MPPED2: variants seen among roughly 807,000 people sequenced by gnomAD.
MPPED2 encodes the protein metallophosphoesterase MPPED2.
MPPED2 carries 5 observed loss-of-function variants against 33.0 expected under a neutral mutation model. The ratio of observed to expected loss-of-function variants is 0.15; its 90% confidence interval spans 0.08 to 0.32. MPPED2 has a LOEUF of 0.32. Ranked by LOEUF, MPPED2 falls within the 10% of genes least tolerant of loss-of-function variation. The probability of loss-of-function intolerance (pLI) is 1.00; values close to 1 mark genes in which losing one functional copy is unlikely to be tolerated. For missense variants in MPPED2, 275 were observed against 372.1 expected, an observed-to-expected ratio of 0.74 and a Z score of 2.15; for synonymous variants, 136 against 141.9, an observed-to-expected ratio of 0.96 and a Z score of 0.29.
chr11:30,559,851 G>A (rs984433958), intron 2 of MPPED2, among the ~76,000 whole-genome samples: 1 of 152,082 alleles, frequency 6.6e-6, no homozygotes, highest in African/African-American at 2.4e-5. Context: ...GTCTTCACAT[G>A]TATTTCCTTT....
At chr11:30,532,664 A>T (rs1954593734) in intron 3 of MPPED2, among the ~76,000 whole-genome samples, 1 of 152,210 alleles carries the variant, frequency 6.6e-6, no homozygotes, top group South Asian at 2.1e-4. Context: ...ACAACTTAAC[A>T]AAGGTAGTGA....
At chr11:30,387,927 A>G (rs1285593706) in exon 7 of MPPED2, 1 of 152,198 alleles carries the variant, frequency 6.6e-6, no homozygotes, top group Non-Finnish European at 1.5e-5. Context: ...ATGCCTGACG[A>G]TGATGCTGGC....
In MPPED2 at chr11:30,410,450, GA is replaced by G. The variant is rs35457219; in HGVS notation, c.*1017del. On this transcript the variant is annotated 3_prime_UTR_variant, in exon 7 of 7. Transcript: ENST00000358117. The stretch of plus-strand genomic sequence containing the variant: ...CAGTGCAAAATGGGAGAGGGGAGAG[GA>G]AGTAAGAAGACAACTTGGGGTATTT... 0.35 allele frequency: 343,572 copies of G among 985,320 alleles called. 62,491 individuals carry two copies. Among genetic ancestry groups the G allele is most frequent in the Non-Finnish European group, 0.37 (308,474 of 829,646 alleles). The allele number at this position is 985,320 out of a possible 1,614,324, so 61.0% of individuals were successfully genotyped here. A position where few individuals can be genotyped will look rare whatever the true frequency, so the allele number is the denominator to read the frequency against.
chr11:30,517,611 C>T (rs770268819), intron 3 of MPPED2, among the ~76,000 whole-genome samples: 45 of 152,210 alleles, frequency 3.0e-4, no homozygotes, highest in Non-Finnish European at 5.6e-4. Flanking sequence ...GTGTCTGGGA[C>T]GTGTCCTTCC....
At chr11:30,455,198 A>T (rs1216174426) in intron 4 of MPPED2, among the ~76,000 whole-genome samples, 1 of 152,236 alleles carries the variant, frequency 6.6e-6, no homozygotes, top group African/African-American at 2.4e-5. Context: ...CTGCAATGAC[A>T]GGTGAGCAAA....
exon 7 of MPPED2, chr11:30,388,812 CATGCCAGG>C: frequency 7.0e-7 from 1 of 1,425,474 alleles, no homozygotes; most frequent in South Asian, 1.7e-5. Context: ...GTTCTTGATT[CATGCCAGG>C]ATTGTAGCTC....
At chr11:30,579,827 GGA>G (rs1491317858) in intron 2 of MPPED2, among the ~76,000 whole-genome samples, 1 of 108,642 alleles carries the variant, frequency 9.2e-6, no homozygotes, top group Non-Finnish European at 2.0e-5. Context: ...GTGAGGTGTG[GGA>G]AAAAAAAAAA....
chr11:30,561,842 A>G (rs943268206), intron 2 of MPPED2, among the ~76,000 whole-genome samples: 1 of 152,150 alleles, frequency 6.6e-6, no homozygotes, highest in Non-Finnish European at 1.5e-5. Flanking sequence ...AACACCAATG[A>G]TAGAGAACAG....
At chr11:30,556,705 G>A (rs1955978732) in intron 2 of MPPED2, among the ~76,000 whole-genome samples, 1 of 151,908 alleles carries the variant, frequency 6.6e-6, no homozygotes, top group South Asian at 2.1e-4. Context: ...CACTTCCTAG[G>A]GTTATGATAT....
intron 3 of MPPED2, among the ~76,000 whole-genome samples, chr11:30,521,343 C>A (rs1025177329): frequency 6.6e-6 from 1 of 152,196 alleles, no homozygotes; most frequent in Non-Finnish European, 1.5e-5. Context: ...CCCATTTAGG[C>A]TAAATTACGA....
chr11:30,527,313 T>G (rs2134420041), intron 3 of MPPED2, among the ~76,000 whole-genome samples: 1 of 152,036 alleles, frequency 6.6e-6, no homozygotes, highest in African/African-American at 2.4e-5. Flanking sequence ...TTTCAAAAAA[T>G]CAGAAATCTT....
intron 3 of MPPED2, among the ~76,000 whole-genome samples, chr11:30,503,843 T>C (rs1952679930): frequency 6.6e-6 from 1 of 151,910 alleles, no homozygotes; most frequent in African/African-American, 2.4e-5. Context: ...ACAACAGAGA[T>C]GACAGGACAG....
chr11:30,456,503 AT>A (rs112776116), intron 4 of MPPED2, among the ~76,000 whole-genome samples: 1 of 150,998 alleles, frequency 6.6e-6, no homozygotes, highest in Non-Finnish European at 1.5e-5. Flanking sequence ...ATTCATTCTC[AT>A]TTTCTTTCTC....
At chr11:30,564,545 C>T (rs1252961438) in intron 2 of MPPED2, among the ~76,000 whole-genome samples, 1 of 152,174 alleles carries the variant, frequency 6.6e-6, no homozygotes, top group South Asian at 2.1e-4. Flanking sequence ...GTAACTCACT[C>T]AAAGTTGCAC....
intron 1 of MPPED2, among the ~76,000 whole-genome samples, chr11:30,582,788 C>T (rs1957228069): frequency 2.0e-5 from 3 of 152,262 alleles, no homozygotes; most frequent in Admixed American, 6.5e-5. Context: ...CTCTTTGCAC[C>T]TTTGCCCCAG....
At chr11:30,385,199 ATCTCTTGCTTT>A (rs1947689202) in exon 7 of MPPED2, 1 of 152,266 alleles carries the variant, frequency 6.6e-6, no homozygotes, top group African/African-American at 2.4e-5. Context: ...ATCAGGTGTC[ATCTCTTGCTTT>A]TCTCAAATTG....
At chr11:30,584,718 C>G (rs1335978009) in intron 1 of MPPED2, 1 of 152,556 alleles carries the variant, frequency 6.6e-6, no homozygotes, top group East Asian at 1.9e-4. Context: ...GAACCCACAG[C>G]GCTGAGCCCG....
chr11:30,433,413 T>G (rs1246106451), intron 4 of MPPED2, among the ~76,000 whole-genome samples: 1 of 152,232 alleles, frequency 6.6e-6, no homozygotes, highest in Non-Finnish European at 1.5e-5. Flanking sequence ...CCATGTAGCA[T>G]GTACTATATG....
intron 3 of MPPED2, among the ~76,000 whole-genome samples, chr11:30,510,319 T>G (rs1312864973): frequency 6.6e-6 from 1 of 152,228 alleles, no homozygotes; most frequent in Non-Finnish European, 1.5e-5. Flanking sequence ...TCTTCCAAGC[T>G]TTTCTTCTGT....
Sources: gnomAD v4.1 joint callset for allele counts (sites outside exome capture counted in the v4.1 genomes callset) on GRCh38, gnomAD v4.1.1 for gene constraint, MANE v1.5 for transcripts, NCBI Gene and HGNC (gene_info 2026-07-23, HGNC 2026-07-21) for gene names.